The following GBF1 variants were observed in gnomAD, a reference collection of about 807,000 sequenced individuals.
The protein encoded by GBF1 is Golgi-specific brefeldin A-resistance guanine nucleotide exchange factor 1.
GBF1 carries 114 observed loss-of-function variants against 210.5 expected under a neutral mutation model. The ratio of observed to expected loss-of-function variants is 0.54; its 90% CI spans 0.47 to 0.63. GBF1 has a LOEUF of 0.63. Among genes scored for constraint, GBF1 ranks in the 30% least tolerant of loss-of-function variants. The pLI, the probability that GBF1 is intolerant of heterozygous loss-of-function variation, is 0.00. For missense variants in GBF1, 1,851 were observed against 2,357.7 expected (o/e 0.79, Z 4.45); for synonymous variants, 850 against 889.2 (o/e 0.96, Z 0.78).
At chr10:102,381,885 C>T (rs963665910) in intron 39 of GBF1, among the ~76,000 whole-genome samples, 171 bp from the exon 40 acceptor site, 5 of 130,834 alleles carry the variant, frequency 3.8e-5, no homozygotes, top group African/African-American at 8.6e-5. Flanking sequence ...GGTAGCTGAA[C>T]ATTGAAATGA....
At chr10:102,370,993 G>C (rs2060176042) in intron 29 of GBF1, 133 bp downstream of exon 29, 2 of 855,440 alleles carry the variant, frequency 2.3e-6, no homozygotes, top group Non-Finnish European at 3.7e-6. Flanking sequence ...CAACCACAGG[G>C]CTGGTGCAGT....
At chr10:102,298,654 T>G (rs1211205538) in intron 3 of GBF1, among the ~76,000 whole-genome samples, 1 of 152,206 alleles carries the variant, frequency 6.6e-6, no homozygotes, top group Non-Finnish European at 1.5e-5. Flanking sequence ...ATGTATCATC[T>G]CATTGAGTTC....
intron 3 of GBF1, among the ~76,000 whole-genome samples, chr10:102,320,723 TCAGA>T (rs1304802592): frequency 6.6e-6 from 1 of 152,156 alleles, no homozygotes; most frequent in Middle Eastern, 3.2e-3. Flanking sequence ...TTAATGAATC[TCAGA>T]CAGTTTTCTT....
chr10:102,369,922 A>G lies in GBF1; in HGVS notation c.3277A>G (p.Ser1093Gly). 1 of 1,614,134 alleles carries G rather than the reference A, an allele frequency of 6.2e-7. No homozygotes were observed. The highest frequency in any genetic ancestry group is 8.5e-7 in the Non-Finnish European group (1 of 1,179,982). Residue 1093 changes from serine to glycine, a missense_variant, in exon 26 of 40, where the codon AGT (serine) becomes GGT (glycine). Transcript: ENST00000369983. ...WLTLSGPEQSSVRGPSTENQE... is the reference protein window; with the variant it reads ...WLTLSGPEQSGVRGPSTENQE... Reference sequence around the variant, plus strand: ...AACACTGAGTGGTCCTGAGCAGTCTAGTGTTCGGGGCCCATCCACTGAAAA... The same window carrying G: ...AACACTGAGTGGTCCTGAGCAGTCTGGTGTTCGGGGCCCATCCACTGAAAA...
At chr10:102,351,197 C>T (rs1436592026) in intron 4 of GBF1, 59 bp from the exon 5 acceptor site, 7 of 974,754 alleles carry the variant, frequency 7.2e-6, no homozygotes, top group Non-Finnish European at 1.2e-5. Flanking sequence ...GACAGGCTGC[C>T]TTACCTTTTA....
At chr10:102,368,664 T>C in intron 22 of GBF1, 75 bp from the exon 23 acceptor site, 11 of 1,045,562 alleles carry the variant, frequency 1.1e-5, no homozygotes, top group Non-Finnish European at 1.6e-5. Flanking sequence ...AAGAGCCCCA[T>C]GCAAGCTCAG....
Position 102,275,901 on chromosome 10 carries a change from G to C in GBF1, c.163+15785G>C, listed in dbSNP as rs78391997. Among the ~76,000 whole-genome samples, 87 of 152,330 alleles carry C rather than the reference G, an allele frequency of 5.7e-4. 1 individual carries two copies. The East Asian group carries it at 0.017, about 29-fold the overall frequency. Reference sequence around the variant, plus strand: ...AGGTTTCATTAATCCTCCCAAGTGAGCCAAGACTGCATCTTAATCAGTTTC... The same window carrying C: ...AGGTTTCATTAATCCTCCCAAGTGACCCAAGACTGCATCTTAATCAGTTTC... On this transcript the variant is annotated intron_variant, in intron 3 of 39. Coordinates refer to ENST00000369983, the MANE Select transcript of GBF1 (RefSeq NM_001377137.1).
At chr10:102,345,047 G>A (rs1388450664) in intron 4 of GBF1, among the ~76,000 whole-genome samples, 1 of 151,996 alleles carries the variant, frequency 6.6e-6, no homozygotes. Flanking sequence ...ACTTTGGGTG[G>A]CCAAGGCGGG....
intron 33 of GBF1, among the ~76,000 whole-genome samples, chr10:102,377,427 C>T (rs2060573581): frequency 6.6e-6 from 1 of 151,932 alleles, no homozygotes; most frequent in Non-Finnish European, 1.5e-5. Flanking sequence ...GATCTCGGCT[C>T]ACTGCAACCT....
intron 8 of GBF1, among the ~76,000 whole-genome samples, chr10:102,354,126 T>C (rs1378488402): frequency 1.3e-5 from 2 of 152,236 alleles, no homozygotes; most frequent in East Asian, 1.9e-4. Flanking sequence ...AGGAGAAGAA[T>C]AGTGGTCAAA....
intron 3 of GBF1, among the ~76,000 whole-genome samples, chr10:102,303,692 A>G (rs2077596581): frequency 6.6e-6 from 1 of 152,180 alleles, no homozygotes; most frequent in Admixed American, 6.5e-5. Context: ...TGGCATTAAA[A>G]TTGTGAAGGA....
intron 36 of GBF1, 118 bp from the exon 37 acceptor site, chr10:102,380,131 C>T: frequency 1.3e-6 from 1 of 781,354 alleles, no homozygotes; most frequent in Admixed American, 1.9e-5. Flanking sequence ...ATCAGAGATT[C>T]CTCCATCTCT....
chr10:102,340,614 G>A (rs976547068), intron 3 of GBF1, among the ~76,000 whole-genome samples: 3 of 150,532 alleles, frequency 2.0e-5, no homozygotes, highest in African/African-American at 4.9e-5. Context: ...TCACTATGTT[G>A]CCCAGGCTGG....
At chr10:102,300,577 A>C (rs760749132) in intron 3 of GBF1, among the ~76,000 whole-genome samples, 1 of 152,174 alleles carries the variant, frequency 6.6e-6, no homozygotes, top group African/African-American at 2.4e-5. Flanking sequence ...AATGCTTGCT[A>C]TGTTAGTTGG....
At chr10:102,297,559 T>A (rs1317375025) in intron 3 of GBF1, among the ~76,000 whole-genome samples, 3 of 152,232 alleles carry the variant, frequency 2.0e-5, no homozygotes, top group Non-Finnish European at 4.4e-5. Context: ...CTCTTGTAGA[T>A]AGATTTGAAT....
chr10:102,358,262 G>C, intron 9 of GBF1, 76 bp downstream of exon 9: 2 of 1,354,026 alleles, frequency 1.5e-6, no homozygotes, highest in Non-Finnish European at 2.1e-6. Context: ...TGAAATTGAA[G>C]ACCAACCAAC....
chr10:102,368,487 C>A, intron 22 of GBF1, 33 bp downstream of exon 22: 2 of 1,164,274 alleles, frequency 1.7e-6, no homozygotes, highest in African/African-American at 1.5e-5. Flanking sequence ...CTTCACCTCC[C>A]ACTAGCTCTG....
chr10:102,259,913 C>G, intron 2 of GBF1, 137 bp from the exon 3 acceptor site: 1 of 588,072 alleles, frequency 1.7e-6, no homozygotes, highest in African/African-American at 1.9e-5. Flanking sequence ...TGAACTATGG[C>G]TAATTTTCTT....
intron 4 of GBF1, among the ~76,000 whole-genome samples, chr10:102,349,541 A>AAAAG (rs1180262497): frequency 1.3e-5 from 2 of 152,206 alleles, no homozygotes; most frequent in African/African-American, 2.4e-5. Context: ...GTCTCAATTC[A>AAAAG]AAAGAAAGAG....
Sources: allele counts gnomAD v4.1 joint callset (sites outside exome capture counted in the v4.1 genomes callset), GRCh38; gene constraint gnomAD v4.1.1; transcripts MANE v1.5; gene names NCBI Gene and HGNC (gene_info 2026-07-23, HGNC 2026-07-21).